BCL11A: variants seen among roughly 807,000 people sequenced by gnomAD.
BCL11A encodes B cell CLL/lymphoma 11A.
In BCL11A, 2 loss-of-function variants were observed where a neutral mutation model predicts 55.9. The ratio of observed to expected loss-of-function variants is 0.04; its 90% confidence interval spans 0.01 to 0.11. The LOEUF (loss-of-function observed/expected upper bound fraction) is 0.11. Among genes scored for constraint, BCL11A ranks in the 10% least tolerant of loss-of-function variants. The pLI, the probability that BCL11A is intolerant of heterozygous loss-of-function variation, is 1.00. For synonymous variants in BCL11A, 465 were observed against 473.4 expected, an observed-to-expected ratio of 0.98 and a Z score of 0.23; for missense variants, 817 against 1,137.1, an observed-to-expected ratio of 0.72 and a Z score of 4.05.
At chr2:60,452,091 G>A (rs2058703) in exon 5 of BCL11A, 143,485 of 227,174 alleles carry the variant, frequency 0.63, 46,879 homozygotes, top group East Asian at 0.98. Flanking sequence ...AGGTACAGAA[G>A]TACAAAATCA....
In BCL11A at chr2:60,461,631, G is replaced by A. The variant is rs747585774; in HGVS notation, c.1281C>T (p.His427=). 6.2e-7 allele frequency: 1 copy of A among 1,613,814 alleles called. No individual in the cohort carries two copies. Among genetic ancestry groups the A allele is most frequent in the South Asian group, 1.1e-5 (1 of 91,092 alleles). ...ASKLKRHMKT[H]MHKSSPMTVK... Reference sequence around the variant, plus strand: ...CCGTCATGGGGGACGATTTGTGCATGTGCGTCTTCATGTGGCGCTTCAGCT... The same window carrying A: ...CCGTCATGGGGGACGATTTGTGCATATGCGTCTTCATGTGGCGCTTCAGCT... Residue 427 remains histidine (H), a synonymous_variant, in exon 4 of 4, where the codon CAC becomes CAT. Coordinates refer to ENST00000642384, the MANE Select transcript of BCL11A (RefSeq NM_022893.4).
intron 2 of BCL11A, among the ~76,000 whole-genome samples, chr2:60,484,686 G>A (rs1558634564): frequency 6.6e-6 from 1 of 151,598 alleles, no homozygotes; most frequent in East Asian, 1.9e-4. Flanking sequence ...GGAATTTGGA[G>A]GGGGGCAAAA....
chr2:60,481,423 G>A lies in BCL11A; in HGVS notation c.386-12590C>T, dbSNP rs74946846. Among the ~76,000 whole-genome samples, 100 of 152,192 alleles carry A rather than the reference G, an allele frequency of 6.6e-4. No homozygotes were observed. The South Asian group carries it at 0.016, about 25-fold the overall frequency. On this transcript the variant is annotated intron_variant, in intron 2 of 3. Coordinates refer to ENST00000642384, the MANE Select transcript of BCL11A (RefSeq NM_022893.4). ...CAGGCCCTTCGCACCTCTGCTTTGC[G>A]GCTTTAACGCACTACACCCCACCCA...
intron 1 of BCL11A, among the ~76,000 whole-genome samples, chr2:60,547,195 A>C (rs1374689170): frequency 1.3e-5 from 2 of 152,214 alleles, no homozygotes. Flanking sequence ...AGAATGGTCA[A>C]GCAAACACCA....
Position 60,463,803 on chromosome 2 carries a change from G to GA in BCL11A, c.488-1380dup, listed in dbSNP as rs577648530. Among the ~76,000 whole-genome samples, 290 of 146,726 alleles carry GA rather than the reference G, an allele frequency of 2.0e-3. 1 individual carries two copies. Among genetic ancestry groups the GA allele is most frequent in the South Asian group, 0.012 (55 of 4,630 alleles). ...AAAAACAAAACTTCCCAGAGATTCT[G>GA]AAAAAAAAAGCCTTAAAATATAACT... On this transcript the variant is annotated intron_variant, in intron 3 of 3. Transcript: ENST00000642384.
intron 2 of BCL11A, among the ~76,000 whole-genome samples, chr2:60,513,238 C>A (rs1231379966): frequency 6.6e-6 from 1 of 152,126 alleles, no homozygotes; most frequent in Non-Finnish European, 1.5e-5. Context: ...CAGGTACATC[C>A]CCATCATGCC....
chr2:60,474,423 G>A (rs921827068), intron 2 of BCL11A, among the ~76,000 whole-genome samples: 1 of 152,114 alleles, frequency 6.6e-6, no homozygotes, highest in African/African-American at 2.4e-5. Context: ...ATTTCAAAAG[G>A]TTGAATAGGA....
chr2:60,526,633 A>G (rs1331696491), intron 2 of BCL11A: 1 of 152,232 alleles, frequency 6.6e-6, no homozygotes, highest in African/African-American at 2.4e-5. Flanking sequence ...GATGGTTTAT[A>G]GGCCTCCTCT....
At chr2:60,488,908 C>T (rs1346488403) in intron 2 of BCL11A, among the ~76,000 whole-genome samples, 1 of 152,128 alleles carries the variant, frequency 6.6e-6, no homozygotes, top group Non-Finnish European at 1.5e-5. Context: ...TATAGGCATG[C>T]GCCACCACAC....
chr2:60,524,046 A>G (rs560661514), intron 2 of BCL11A, among the ~76,000 whole-genome samples: 1 of 152,352 alleles, frequency 6.6e-6, no homozygotes, highest in South Asian at 2.1e-4. Context: ...GAGACTCCGG[A>G]CCACAGGAAC....
chr2:60,460,950 G>A lies in BCL11A; in HGVS notation c.1962C>T (p.Asn654=), dbSNP rs1558611484. 2.5e-5 allele frequency: 40 copies of A among 1,612,842 alleles called. No individual in the cohort carries two copies. The highest frequency in any genetic ancestry group is 3.4e-5 in the Non-Finnish European group (40 of 1,179,766). ...AGCCGGCGAGCCACTGCGAGTACAC[G>A]TTCTCCGTGTTGGGCATCGCGGCCG... ...LPPAAMPNTE[N]VYSQWLAGYA... is the part of the protein sequence containing the mutation. The change falls in exon 4 of 4, where the codon AAC becomes AAT. Residue 654 remains asparagine (N), a synonymous_variant. Transcript: ENST00000642384.
intron 2 of BCL11A, among the ~76,000 whole-genome samples, chr2:60,498,337 G>A (rs1236686465): frequency 6.6e-6 from 1 of 151,994 alleles, no homozygotes; most frequent in Non-Finnish European, 1.5e-5. Context: ...AGGACATGCA[G>A]CAGTGTGTGC....
chr2:60,524,135 C>G (rs977948500), intron 2 of BCL11A, among the ~76,000 whole-genome samples: 3 of 152,172 alleles, frequency 2.0e-5, no homozygotes, highest in Non-Finnish European at 2.9e-5. Context: ...TAAATATAAT[C>G]TATATATCAC....
At position 60,457,562 on chromosome 2, in the gene BCL11A, T is replaced by C. The variant is rs1326721446; in HGVS notation, c.*2842A>G. 5 of 1,046,304 alleles carry C rather than the reference T, an allele frequency of 4.8e-6. No individual in the cohort carries two copies. In the East Asian group the frequency reaches 2.8e-4, roughly 59 times the overall value. 64.8% of individuals were successfully genotyped at this position (1,046,304 alleles called of 1,614,324 possible). A position where few individuals can be genotyped will look rare whatever the true frequency, so the allele number is the denominator to read the frequency against. Reference sequence around the variant, plus strand: ...TGCATTGCCATTTACAAAAAAGTATTGACTAAAGCGGGCTTTCTCTTTAAT... The same window carrying C: ...TGCATTGCCATTTACAAAAAAGTATCGACTAAAGCGGGCTTTCTCTTTAAT... On this transcript the variant is annotated 3_prime_UTR_variant, in exon 4 of 4. Transcript: ENST00000642384.
At chr2:60,465,323 T>TATA (rs1264870200) in intron 3 of BCL11A, among the ~76,000 whole-genome samples, 1 of 152,212 alleles carries the variant, frequency 6.6e-6, no homozygotes, top group Non-Finnish European at 1.5e-5. Context: ...ATGTGTAAAA[T>TATA]ATAATAATAT....
At chr2:60,531,780 G>T (rs767256575) in intron 2 of BCL11A, among the ~76,000 whole-genome samples, 1 of 152,108 alleles carries the variant, frequency 6.6e-6, no homozygotes, top group Non-Finnish European at 1.5e-5. Flanking sequence ...CCATGTGGTC[G>T]GGAAGTTACC....
Position 60,460,942 on chromosome 2 carries a change from G to A in BCL11A, c.1970C>T (p.Ser657Leu). The A allele has an allele frequency of 6.2e-7, 1 of 1,613,140 alleles. No homozygotes were observed. Among genetic ancestry groups the A allele is most frequent in the Non-Finnish European group, 8.5e-7 (1 of 1,179,958 alleles). ...AAMPNTENVYSQWLAGYAASR... is the reference protein window; with the variant it reads ...AAMPNTENVYLQWLAGYAASR... ...GGCCGCGTAGCCGGCGAGCCACTGC[G>A]AGTACACGTTCTCCGTGTTGGGCAT... Residue 657 changes from serine (S) to leucine (L), a missense_variant, in exon 4 of 4, where the codon TCG becomes TTG. Ser to Leu is a moderately radical substitution (Grantham distance 145). Transcript: ENST00000642384.
chr2:60,545,525 C>G (rs985872854), intron 2 of BCL11A: 1 of 167,940 alleles, frequency 6.0e-6, no homozygotes, highest in Admixed American at 5.7e-5. Flanking sequence ...CGAGCTGAAC[C>G]CCTAAGGAGG....
At chr2:60,552,846 T>G (rs1433193658) in intron 1 of BCL11A, among the ~76,000 whole-genome samples, 1 of 151,928 alleles carries the variant, frequency 6.6e-6, no homozygotes, top group East Asian at 1.9e-4. Context: ...GCATGTGAGT[T>G]GTTCGCAACC....
Sources: allele counts gnomAD v4.1 joint callset (sites outside exome capture counted in the v4.1 genomes callset), GRCh38; gene constraint gnomAD v4.1.1; transcripts MANE v1.5; gene names NCBI Gene and HGNC (gene_info 2026-07-23, HGNC 2026-07-21).